NDP: variants seen among roughly 807,000 people sequenced by gnomAD.
The protein encoded by NDP is norrin.
In NDP, 2 loss-of-function variants were observed where a neutral mutation model predicts 8.4. The ratio of observed to expected loss-of-function variants is 0.24; its 90% CI spans 0.10 to 0.75. The LOEUF is 0.75. Ranked by LOEUF, NDP falls within the 30% of genes least tolerant of loss-of-function variation. NDP has a pLI of 0.73. For synonymous variants in NDP, 55 were observed against 45.6 expected, an observed-to-expected ratio of 1.21 and a Z score of -0.83; for missense variants, 81 against 110.1, an observed-to-expected ratio of 0.74 and a Z score of 1.18.
At position 43,950,193 on chromosome X, in the gene NDP, A is replaced by C. The variant is rs2035753037; in HGVS notation, c.175-167T>G. On this transcript the variant is annotated intron_variant, in intron 2 of 2. Coordinates refer to ENST00000642620, the MANE Select transcript of NDP (RefSeq NM_000266.4). Reference sequence around the variant, plus strand: ...TTAAGTCAACACCCAGGCCTCATTCAGATCGATTGAATTAAAATCCTTGGA... The same window carrying C: ...TTAAGTCAACACCCAGGCCTCATTCCGATCGATTGAATTAAAATCCTTGGA... The C allele has an allele frequency of 8.5e-6, 4 of 471,584 alleles. No individual in the cohort carries two copies. In the African/African-American group the frequency reaches 9.6e-5, roughly 11 times the overall value. 38.9% of individuals were successfully genotyped at this position (471,584 alleles called of 1,213,427 possible). A position where few individuals can be genotyped will look rare whatever the true frequency, so the allele number is the denominator to read the frequency against.
chrX:43,950,606 T>C (rs2035756095), intron 2 of NDP, among the ~76,000 whole-genome samples: 2 of 111,194 alleles, frequency 1.8e-5, no homozygotes, highest in Non-Finnish European at 3.8e-5. Context: ...GAGAATGAAG[T>C]AGAGACAGGG....
chrX:43,951,752 A>G (rs751040832), intron 2 of NDP, among the ~76,000 whole-genome samples: 3 of 111,149 alleles, frequency 2.7e-5, no homozygotes, highest in African/African-American at 3.3e-5. Flanking sequence ...AAATCCAACA[A>G]TCACTTAGCA....
intron 2 of NDP, among the ~76,000 whole-genome samples, chrX:43,950,458 C>CAAAAAAAAAAAAAAAAAAAAAAAA (rs11292831): frequency 1.7e-5 from 1 of 59,301 alleles, no homozygotes; most frequent in Non-Finnish European, 3.1e-5. Context: ...AAATGACTAC[C>CAAAAAAAAAAAAAAAAAAAAAAAA]AAAAAAAAAA....
intron 1 of NDP, among the ~76,000 whole-genome samples, chrX:43,960,275 C>T (rs771339960): frequency 1.8e-5 from 2 of 111,753 alleles, no homozygotes; most frequent in African/African-American, 6.5e-5. Context: ...AGTCATTCAA[C>T]CTCCTCTAGC....
At chrX:43,970,443 A>T (rs2035885293) in intron 1 of NDP, among the ~76,000 whole-genome samples, 1 of 112,084 alleles carries the variant, frequency 8.9e-6, no homozygotes, top group East Asian at 2.8e-4. Flanking sequence ...AGTCAGAGGC[A>T]TTTTAATCCA....
rs749936422 is a variant in NDP at position 43,949,787 on chromosome X, C to T, written c.*12G>A. ...AGTTGTCCCATCCAGAAGCCACACA[C>T]AGCAGCGGGCCTCAGGAATTGCATT... On this transcript the variant is annotated 3_prime_UTR_variant, in exon 3 of 3. Transcript: ENST00000642620. The T allele has an allele frequency of 2.5e-5, 29 of 1,164,724 alleles. No individual in the cohort carries two copies. The highest frequency in any genetic ancestry group is 3.2e-5 in the Non-Finnish European group (28 of 870,462).
At chrX:43,967,419 C>T (rs142145282) in intron 1 of NDP, among the ~76,000 whole-genome samples, 5 of 96,359 alleles carry the variant, frequency 5.2e-5, no homozygotes, top group African/African-American at 2.0e-4. Flanking sequence ...TTTGTACCCA[C>T]ATAATTAGGT....
At chrX:43,968,380 C>A (rs972977078) in intron 1 of NDP, among the ~76,000 whole-genome samples, 2 of 112,519 alleles carry the variant, frequency 1.8e-5, no homozygotes, top group Admixed American at 1.9e-4. Flanking sequence ...ATAATGCCAT[C>A]GGCACAATCT....
intron 1 of NDP, among the ~76,000 whole-genome samples, chrX:43,969,943 T>C (rs756844961): frequency 8.9e-6 from 1 of 111,844 alleles, no homozygotes; most frequent in East Asian, 2.8e-4. Flanking sequence ...AGGAAACAAG[T>C]ACCCAGACAT....
At position 43,958,517 on chromosome X, in the gene NDP, G is replaced by A. The variant is rs765819330; in HGVS notation, c.129C>T (p.His43=). The A allele has an allele frequency of 2.5e-6, 3 of 1,212,039 alleles. No homozygotes were observed. The highest frequency in any genetic ancestry group is 3.4e-6 in the Non-Finnish European group (3 of 895,362). The change falls in exon 2 of 3, where the codon CAC becomes CAT. Residue 43 remains histidine (H), a synonymous_variant. Transcript: ENST00000642620. The part of the protein sequence containing the change: ...DSDPRRCMRH[H]YVDSISHPLY... ...ATGGGTGACTGATAGAATCCACATA[G>A]TGGTGCCTCATGCAGCGTCGAGGGT...
At chrX:43,961,049 C>G (rs1028463106) in intron 1 of NDP, among the ~76,000 whole-genome samples, 7 of 111,965 alleles carry the variant, frequency 6.3e-5, no homozygotes, top group African/African-American at 1.9e-4. Flanking sequence ...TATAAAGGGC[C>G]CTTAAAGATA....
chrX:43,958,675 C>T lies in NDP; in HGVS notation c.-30G>A. On this transcript the variant is annotated 5_prime_UTR_variant, in exon 2 of 3. Transcript: ENST00000642620. ...GTAAGGAAAAACTTCTCTAGAAGAA[C>T]AGCAGAGGGAGGCAGAGGACAAAAA... 1.7e-6 allele frequency: 2 copies of T among 1,189,072 alleles called. No individual in the cohort carries two copies. The highest frequency in any genetic ancestry group is 2.3e-6 in the Non-Finnish European group (2 of 875,367).
At position 43,958,769 on chromosome X, in the gene NDP, T is replaced by C; in HGVS notation, c.-124A>G. 1.7e-6 allele frequency: 1 copy of C among 604,795 alleles called. No individual in the cohort carries two copies. Among genetic ancestry groups the C allele is most frequent in the African/African-American group, 2.2e-5 (1 of 45,460 alleles). The allele number at this position is 604,795 out of a possible 1,213,427, so 49.8% of individuals were successfully genotyped here. On this transcript the variant is annotated 5_prime_UTR_variant, in exon 2 of 3. Transcript: ENST00000642620. ...AAAGGGCAGGATCGGGCTGAAGCTT[T>C]CTGGTTGTCATTGTCCTTTATGTGC...
intron 2 of NDP, among the ~76,000 whole-genome samples, chrX:43,954,738 A>G (rs751833574): frequency 9.0e-6 from 1 of 110,887 alleles, no homozygotes; most frequent in Admixed American, 9.6e-5. Context: ...CCCTTAGCAT[A>G]CCAGGTCCTC....
intron 2 of NDP, among the ~76,000 whole-genome samples, chrX:43,952,785 T>G (rs1357721317): frequency 8.9e-6 from 1 of 111,900 alleles, no homozygotes; most frequent in Non-Finnish European, 1.9e-5. Flanking sequence ...ACATGTACAA[T>G]AAATGCCTTC....
At chrX:43,963,681 A>G (rs1180182651) in intron 1 of NDP, among the ~76,000 whole-genome samples, 1 of 112,106 alleles carries the variant, frequency 8.9e-6, no homozygotes, top group Non-Finnish European at 1.9e-5. Flanking sequence ...TCTAATTTAG[A>G]AAGTGTGAAG....
chrX:43,951,945 A>G (rs2035765740), intron 2 of NDP, among the ~76,000 whole-genome samples: 1 of 112,287 alleles, frequency 8.9e-6, no homozygotes. Flanking sequence ...CTTCATTTTG[A>G]CAGGCAAAGT....
rs5952409 is a variant in NDP at position 43,958,004 on chromosome X, T to C, written c.174+468A>G. 5.1e-3 allele frequency among the ~76,000 whole-genome samples: 559 copies of C among 110,367 alleles called. 4 individuals are homozygous for C. Among genetic ancestry groups the C allele is most frequent in the African/African-American group, 0.017 (513 of 30,294 alleles). ...CATATTGCCATCTTATCTTTTGAAA[T>C]CATTTGAACAGAAATGTAGCACCTG... is the stretch of plus-strand genomic sequence containing the variant. On this transcript the variant is annotated intron_variant, in intron 2 of 2. Coordinates refer to ENST00000642620, the MANE Select transcript of NDP (RefSeq NM_000266.4).
Position 43,948,848 on chromosome X carries a change from T to C in NDP, c.*951A>G, listed in dbSNP as rs189254596. The stretch of plus-strand genomic sequence containing the variant: ...TTGAGCCTCCAGGACCAAAACACAT[T>C]TGAACCAAACGTTCAGAAGACAAGC... On this transcript the variant is annotated 3_prime_UTR_variant, in exon 3 of 3. Coordinates refer to ENST00000642620, the MANE Select transcript of NDP (RefSeq NM_000266.4). The C allele has an allele frequency of 8.0e-5, 9 of 112,000 alleles. No homozygotes were observed. In the East Asian group the frequency reaches 2.5e-3, roughly 31 times the overall value. 9.2% of individuals were successfully genotyped at this position (112,000 alleles called of 1,213,427 possible).
Sources: allele counts gnomAD v4.1 joint callset (sites outside exome capture counted in the v4.1 genomes callset), GRCh38; gene constraint gnomAD v4.1.1; transcripts MANE v1.5; gene names NCBI Gene and HGNC (gene_info 2026-07-23, HGNC 2026-07-21).